Variants in ANKRD36C observed in about 807,000 individuals in gnomAD.
ANKRD36C encodes ankyrin repeat domain 36C.
ANKRD36C carries 61 observed loss-of-function variants against 276.4 expected under a neutral mutation model. The observed-to-expected ratio is 0.22, with a 90% confidence interval of 0.18 to 0.27. The LOEUF (loss-of-function observed/expected upper bound fraction) is 0.27. ANKRD36C is among the 10% of genes least tolerant of loss of function. ANKRD36C has a pLI of 1.00. For synonymous variants in ANKRD36C, 483 were observed against 680.1 expected (o/e 0.71, Z 4.51); for missense variants, 1,447 against 2,032.3 (o/e 0.71, Z 5.54).
chr2:95,892,180 C>A (rs1352970960), intron 44 of ANKRD36C, among the ~76,000 whole-genome samples: 1 of 151,536 alleles, frequency 6.6e-6, no homozygotes, highest in African/African-American at 2.4e-5. Context: ...AGGAGCAACT[C>A]ATACACGTGA....
chr2:95,910,780 A>C (rs1289712966), intron 42 of ANKRD36C, among the ~76,000 whole-genome samples: 1 of 151,438 alleles, frequency 6.6e-6, no homozygotes, highest in African/African-American at 2.4e-5. Flanking sequence ...ACAATTTCAA[A>C]CACGGTACGA....
At chr2:95,966,445 G>A (rs1243499538) in intron 6 of ANKRD36C, among the ~76,000 whole-genome samples, 3 of 151,650 alleles carry the variant, frequency 2.0e-5, no homozygotes, top group Non-Finnish European at 4.4e-5. Context: ...CATTCCTTTT[G>A]TCAGGTTTGT....
chr2:95,984,346 A>G (rs1044178343), intron 3 of ANKRD36C, among the ~76,000 whole-genome samples: 1 of 152,070 alleles, frequency 6.6e-6, no homozygotes, highest in Non-Finnish European at 1.5e-5. Context: ...AAAACCTGAG[A>G]TAGGCTCAAG....
intron 60 of ANKRD36C, among the ~76,000 whole-genome samples, chr2:95,864,658 C>T (rs1675648382): frequency 6.6e-6 from 1 of 152,052 alleles, no homozygotes. Flanking sequence ...TATGGGTAAA[C>T]CCCAACCTGT....
At chr2:95,874,067 T>C (rs1034598266) in intron 59 of ANKRD36C, among the ~76,000 whole-genome samples, 2 of 151,820 alleles carry the variant, frequency 1.3e-5, no homozygotes, top group African/African-American at 4.8e-5. Context: ...TGCTCATGGG[T>C]AGGAAGAATC....
At chr2:95,910,259 G>C in intron 42 of ANKRD36C, 114 bp downstream of exon 46, 4 of 1,214,934 alleles carry the variant, frequency 3.3e-6, no homozygotes, top group Non-Finnish European at 4.5e-6. Flanking sequence ...AAGAATCTCC[G>C]GCCTGCTGAA....
At chr2:95,916,080 A>C (rs1677086405) in intron 37 of ANKRD36C, 28 bp from the exon 40 acceptor site, 2 of 1,599,822 alleles carry the variant, frequency 1.3e-6, no homozygotes, top group African/African-American at 1.3e-5. Flanking sequence ...CAAAATAATA[A>C]ATAAGGTATG....
exon 28 of ANKRD36C, chr2:95,927,262 C>G: frequency 6.2e-7 from 1 of 1,610,098 alleles, no homozygotes; most frequent in Non-Finnish European, 8.5e-7. Context: ...ATATTTGAAA[C>G]AGAATCTTTC....
chr2:95,912,387 A>G lies in ANKRD36C; in HGVS notation c.2580+20T>C, dbSNP rs757775490. On this transcript the variant is annotated intron_variant, in intron 41 of 66. Transcript: ENST00000456556. ...GGCTTTACGTTTACTAGCTCACAAT[A>G]TGAATGAGAGTTTCATTACCTTCAA... 2.5e-6 allele frequency: 4 copies of G among 1,603,856 alleles called. No homozygotes were observed. The South Asian group carries it at 4.4e-5, about 18-fold the overall frequency.
intron 42 of ANKRD36C, among the ~76,000 whole-genome samples, 199 bp from the exon 53 acceptor site, chr2:95,903,280 C>T (rs1405320003): frequency 2.7e-5 from 4 of 150,424 alleles, no homozygotes; most frequent in Non-Finnish European, 5.9e-5. Context: ...GAAATATAGT[C>T]TTAGAATTTC....
At chr2:95,990,150 T>C (rs1679108933) in intron 1 of ANKRD36C, among the ~76,000 whole-genome samples, 1 of 152,238 alleles carries the variant, frequency 6.6e-6, no homozygotes, top group Admixed American at 6.5e-5. Flanking sequence ...TTATCTCTTA[T>C]TTTGTGCATT....
chr2:95,908,543 T>C, intron 42 of ANKRD36C: 11 of 1,550,808 alleles, frequency 7.1e-6, no homozygotes, highest in Non-Finnish European at 9.6e-6. Flanking sequence ...TCTGGCTATA[T>C]TCAAAAGAGA....
chr2:95,971,464 T>G (rs1034164768), intron 6 of ANKRD36C, among the ~76,000 whole-genome samples: 5 of 151,992 alleles, frequency 3.3e-5, no homozygotes, highest in African/African-American at 1.2e-4. Flanking sequence ...TTTTCAATAT[T>G]GCTGAGAATA....
chr2:95,903,503 C>T (rs1462628221), intron 42 of ANKRD36C, among the ~76,000 whole-genome samples: 1 of 151,424 alleles, frequency 6.6e-6, no homozygotes, highest in Non-Finnish European at 1.5e-5. Flanking sequence ...AAACATTCAT[C>T]GTGCTCTTTA....
intron 24 of ANKRD36C, among the ~76,000 whole-genome samples, chr2:95,931,975 T>C: frequency 6.6e-6 from 1 of 152,290 alleles, no homozygotes; most frequent in Non-Finnish European, 1.5e-5. Flanking sequence ...AACAAAGGGG[T>C]TCTAAATTGT....
At chr2:95,903,370 G>A (rs2104382084) in intron 42 of ANKRD36C, among the ~76,000 whole-genome samples, 1 of 150,506 alleles carries the variant, frequency 6.6e-6, no homozygotes, top group East Asian at 2.0e-4. Context: ...GAGTGATGAG[G>A]ACAAAGTGAT....
intron 3 of ANKRD36C, among the ~76,000 whole-genome samples, chr2:95,983,087 A>G (rs1226438256): frequency 1.3e-5 from 2 of 151,166 alleles, no homozygotes; most frequent in African/African-American, 4.9e-5. Flanking sequence ...ATTCTCTTCT[A>G]TCGATGGTGT....
At chr2:95,926,790 A>G (rs1368613830) in intron 28 of ANKRD36C, among the ~76,000 whole-genome samples, 11 of 151,550 alleles carry the variant, frequency 7.3e-5, no homozygotes, top group Non-Finnish European at 1.6e-4. Flanking sequence ...AGTCATTGCT[A>G]CATCAGTGGT....
chr2:95,964,011 ATATG>A (rs1347144912), intron 6 of ANKRD36C, among the ~76,000 whole-genome samples: 10 of 17,984 alleles, frequency 5.6e-4, no homozygotes, highest in African/African-American at 1.0e-3. Context: ...ATATATATAT[ATATG>A]TGTGTGTGTG....
Sources: gnomAD v4.1 joint callset for allele counts (sites outside exome capture counted in the v4.1 genomes callset) on GRCh38, gnomAD v4.1.1 for gene constraint, MANE v1.5 for transcripts, NCBI Gene and HGNC (gene_info 2026-07-23, HGNC 2026-07-21) for gene names.